The following ITPR2 variants were observed in gnomAD, a reference collection of about 807,000 sequenced individuals.
ITPR2 encodes the protein inositol 1,4,5-trisphosphate receptor type 2.
A neutral mutation model predicts 317.1 loss-of-function variants in ITPR2; 207 were observed. The ratio of observed to expected loss-of-function variants is 0.65; its 90% confidence interval spans 0.58 to 0.73. ITPR2 has a LOEUF of 0.73. Ranked by LOEUF, ITPR2 falls within the 30% of genes least tolerant of loss-of-function variation. The pLI is 0.00. For synonymous variants in ITPR2, 1,156 were observed against 1,149.1 expected, an observed-to-expected ratio of 1.01 and a Z score of -0.12; for missense variants, 2,613 against 3,284.0, an observed-to-expected ratio of 0.80 and a Z score of 4.99.
At chr12:26,513,057 G>C (rs1370213143) in intron 37 of ITPR2, among the ~76,000 whole-genome samples, 1 of 152,010 alleles carries the variant, frequency 6.6e-6, no homozygotes, top group East Asian at 1.9e-4. Context: ...TGGCCAGGCT[G>C]ATCTTGAACT....
At chr12:26,805,113 G>C (rs572450384) in intron 1 of ITPR2, among the ~76,000 whole-genome samples, 18 of 152,096 alleles carry the variant, frequency 1.2e-4, no homozygotes, top group Non-Finnish European at 2.2e-4. Context: ...AGACATACTG[G>C]TTTGTAACCT....
intron 28 of ITPR2, among the ~76,000 whole-genome samples, chr12:26,600,762 T>G (rs2136742029): frequency 6.6e-6 from 1 of 152,034 alleles, no homozygotes. Context: ...TGCTCTGCTC[T>G]CACTCTATTT....
intron 40 of ITPR2, chr12:26,486,787 C>T (rs749503003): frequency 4.9e-6 from 3 of 607,308 alleles, no homozygotes; most frequent in East Asian, 7.1e-5. Flanking sequence ...TTCATGGTCA[C>T]TTAAAAGATT....
At chr12:26,752,184 T>C (rs1949435175) in intron 2 of ITPR2, among the ~76,000 whole-genome samples, 1 of 152,234 alleles carries the variant, frequency 6.6e-6, no homozygotes, top group Non-Finnish European at 1.5e-5. Context: ...TTGTTTCTCC[T>C]ATTGCATTCT....
chr12:26,477,038 C>T (rs758493765), intron 43 of ITPR2, 31 bp from the exon 44 acceptor site: 5 of 1,363,426 alleles, frequency 3.7e-6, no homozygotes, highest in Non-Finnish European at 4.2e-6. Flanking sequence ...AATGTGCATG[C>T]AAAGTCTATT....
At position 26,507,425 on chromosome 12, in the gene ITPR2, T is replaced by C. The variant is rs142130289; in HGVS notation, c.5074-12165A>G. On this transcript the variant is annotated intron_variant, in intron 37 of 56. Coordinates refer to ENST00000381340, the MANE Select transcript of ITPR2 (RefSeq NM_002223.4). Reference sequence around the variant, plus strand: ...TTATGAATGTTATTTTGGAAATCAGTTTGATTCCCTGTGGCATACACCGTG... The same window carrying C: ...TTATGAATGTTATTTTGGAAATCAGCTTGATTCCCTGTGGCATACACCGTG... Among the ~76,000 whole-genome samples, 186 of 152,326 alleles carry C rather than the reference T, an allele frequency of 1.2e-3. 1 individual carries two copies. Among genetic ancestry groups the C allele is most frequent in the African/African-American group, 4.3e-3 (180 of 41,576 alleles).
At chr12:26,630,318 A>C (rs977768108) in intron 22 of ITPR2, among the ~76,000 whole-genome samples, 4 of 152,096 alleles carry the variant, frequency 2.6e-5, no homozygotes, top group Non-Finnish European at 4.4e-5. Context: ...AGTAGAAAGA[A>C]AGGAGGAAAG....
In ITPR2 at chr12:26,602,670, T is replaced by C. The variant is rs772737779; in HGVS notation, c.3499A>G (p.Lys1167Glu). ...TTGTTGCTGTCAATCTGAGGTTTCTTTGTTCCATCCTGCACTGGACTTAAA... is the reference window on the plus strand; with the variant it reads ...TTGTTGCTGTCAATCTGAGGTTTCTCTGTTCCATCCTGCACTGGACTTAAA... ...NILSPVQDGTKKPQIDSNKSN... is the reference protein window; with the variant it reads ...NILSPVQDGTEKPQIDSNKSN... The change falls in exon 27 of 57, where the codon AAG becomes GAG. Residue 1167 changes from lysine to glutamate, a missense_variant. Lys to Glu is a moderately conservative substitution (Grantham distance 56). This residue lies in a region of ITPR2 where 817 missense variants were observed against 897.6 expected (regional missense o/e 0.91). Coordinates refer to ENST00000381340, the MANE Select transcript of ITPR2 (RefSeq NM_002223.4). 1.9e-6 allele frequency: 3 copies of C among 1,611,738 alleles called. No homozygotes were observed. The South Asian group carries it at 3.3e-5, about 18-fold the overall frequency.
chr12:26,428,109 T>G, intron 48 of ITPR2, 21 bp from the exon 49 acceptor site: 1 of 1,554,364 alleles, frequency 6.4e-7, no homozygotes, highest in Non-Finnish European at 8.7e-7. Flanking sequence ...TGGAAGAAAT[T>G]TATTGCTACT....
At position 26,707,405 on chromosome 12, in the gene ITPR2, G is replaced by A. The variant is rs1053759976; in HGVS notation, c.951+3768C>T. ...AAATCTGTGCCATGGAGCCTCTATC[G>A]CCTAAGAATAAGGGTACAGGGTAAT... On this transcript the variant is annotated intron_variant, in intron 9 of 56. Transcript: ENST00000381340. Among the ~76,000 whole-genome samples the A allele has an allele frequency of 2.0e-5, 3 of 152,124 alleles. No homozygotes were observed. In the South Asian group the frequency reaches 6.2e-4, roughly 32 times the overall value.
At chr12:26,796,599 A>T (rs1414008141) in intron 1 of ITPR2, among the ~76,000 whole-genome samples, 1 of 152,236 alleles carries the variant, frequency 6.6e-6, no homozygotes, top group Non-Finnish European at 1.5e-5. Context: ...CTATTTCTAG[A>T]CACATATATG....
At chr12:26,590,121 G>T (rs1185964550) in intron 32 of ITPR2, among the ~76,000 whole-genome samples, 1 of 152,062 alleles carries the variant, frequency 6.6e-6, no homozygotes, top group Non-Finnish European at 1.5e-5. Flanking sequence ...CCAGCTGTTG[G>T]GGAAAAGCAC....
At position 26,725,632 on chromosome 12, in the gene ITPR2, T is replaced by C; in HGVS notation, c.279+18A>G. 6.4e-7 allele frequency: 1 copy of C among 1,552,836 alleles called. No individual in the cohort carries two copies. Among genetic ancestry groups the C allele is most frequent in the Non-Finnish European group, 8.9e-7 (1 of 1,125,054 alleles). On this transcript the variant is annotated intron_variant, in intron 3 of 56. Coordinates refer to ENST00000381340, the MANE Select transcript of ITPR2 (RefSeq NM_002223.4). ...ACTTGGTTAGCCTAAGCCAGACAATTGGAATCCTGGTCCTTACCTGTAGTT... is the reference window on the plus strand; with the variant it reads ...ACTTGGTTAGCCTAAGCCAGACAATCGGAATCCTGGTCCTTACCTGTAGTT...
intron 37 of ITPR2, among the ~76,000 whole-genome samples, chr12:26,500,695 T>C (rs573016494): frequency 9.2e-5 from 14 of 152,316 alleles, no homozygotes; most frequent in African/African-American, 2.6e-4. Flanking sequence ...TCTGGGAGGA[T>C]TGGGTTTTTC....
At chr12:26,340,427 A>G in intron 55 of ITPR2, 99 bp from the exon 56 acceptor site, 6 of 1,244,314 alleles carry the variant, frequency 4.8e-6, no homozygotes, top group Non-Finnish European at 6.4e-6. Context: ...AAAGTCTCTT[A>G]GCACTCAAAT....
At chr12:26,779,108 G>A (rs1252795446) in intron 2 of ITPR2, among the ~76,000 whole-genome samples, 1 of 152,080 alleles carries the variant, frequency 6.6e-6, no homozygotes, top group Non-Finnish European at 1.5e-5. Flanking sequence ...CTGCCACTTG[G>A]GCCATGTGAC....
intron 36 of ITPR2, among the ~76,000 whole-genome samples, chr12:26,553,425 A>G (rs181675497): frequency 6.6e-6 from 1 of 152,312 alleles, no homozygotes; most frequent in East Asian, 1.9e-4. Flanking sequence ...AGGAAGCCCT[A>G]CTTAGGGCTT....
intron 32 of ITPR2, among the ~76,000 whole-genome samples, chr12:26,587,431 A>G (rs7133118): frequency 0.72 from 109,531 of 151,922 alleles, 41,036 homozygotes; most frequent in Non-Finnish European, 0.83. Flanking sequence ...TTTGAAGGAA[A>G]AACCTAAAGG....
intron 48 of ITPR2, among the ~76,000 whole-genome samples, chr12:26,429,596 G>A (rs886227881): frequency 2.0e-5 from 3 of 152,102 alleles, no homozygotes; most frequent in African/African-American, 7.2e-5. Context: ...TTCTTACTGG[G>A]ACTTGAGACT....
Sources: allele counts gnomAD v4.1 joint callset (sites outside exome capture counted in the v4.1 genomes callset), GRCh38; gene constraint gnomAD v4.1.1; regional missense constraint gnomAD v4.1.1; transcripts MANE v1.5; gene names NCBI Gene and HGNC (gene_info 2026-07-23, HGNC 2026-07-21).